UTP14A: variants seen among roughly 807,000 people sequenced by gnomAD.
UTP14A encodes the protein U3 small nucleolar RNA-associated protein 14 homolog A.
UTP14A carries 5 observed loss-of-function variants against 57.2 expected under a neutral mutation model. The observed-to-expected ratio is 0.09, with a 90% CI of 0.05 to 0.18. UTP14A has a LOEUF of 0.18. UTP14A is among the 10% of genes least tolerant of loss of function. The pLI, the probability that UTP14A is intolerant of heterozygous loss-of-function variation, is 1.00. For synonymous variants in UTP14A, 169 were observed against 210.9 expected, an observed-to-expected ratio of 0.80 and a Z score of 1.72; for missense variants, 430 against 562.1, an observed-to-expected ratio of 0.76 and a Z score of 2.38.
intron 4 of UTP14A, among the ~76,000 whole-genome samples, chrX:129,909,463 CCT>C (rs1376426557): frequency 9.0e-6 from 1 of 111,137 alleles, no homozygotes; most frequent in Admixed American, 9.7e-5. Context: ...CCCGCCGCAG[CCT>C]CTCAAAGTGC....
At chrX:129,927,379 G>A (rs1427659387) in intron 14 of UTP14A, among the ~76,000 whole-genome samples, 2 of 111,806 alleles carry the variant, frequency 1.8e-5, no homozygotes, top group Non-Finnish European at 3.8e-5. Flanking sequence ...AGATGTAGCC[G>A]TCAACCCAAA....
intron 14 of UTP14A, among the ~76,000 whole-genome samples, chrX:129,926,900 T>G (rs1176737323): frequency 5.4e-5 from 6 of 111,766 alleles, no homozygotes; most frequent in African/African-American, 1.6e-4. Flanking sequence ...TGAGTTACAT[T>G]TTTCCCTCGG....
At position 129,920,570 on chromosome X, in the gene UTP14A, C is replaced by A; in HGVS notation, c.866C>A (p.Ala289Asp). 2.5e-6 allele frequency: 3 copies of A among 1,212,059 alleles called. No individual in the cohort carries two copies. The highest frequency in any genetic ancestry group is 2.2e-6 in the Non-Finnish European group (2 of 895,624). The change falls in exon 9 of 15, where the codon GCC becomes GAC. Residue 289 changes from alanine (A) to aspartate (D), a missense_variant. By Grantham distance (126) the Ala-to-Asp change is moderately radical. Around this residue, in one of 4 missense-constraint regions of UTP14A, gnomAD observed 83 missense variants for 140.4 expected, o/e 0.59. Transcript: ENST00000394422. ...ALEELEKIEK[A>D]RMMERMSLKH... ...GAAGAACTGGAAAAAATTGAAAAGG[C>A]CAGAATGATGGTGAGACTACCTCTT... is the stretch of plus-strand genomic sequence containing the variant.
At chrX:129,916,852 T>A (rs1312596598) in intron 6 of UTP14A, among the ~76,000 whole-genome samples, 1 of 111,536 alleles carries the variant, frequency 9.0e-6, no homozygotes, top group Non-Finnish European at 1.9e-5. Context: ...TCTGTTTGGA[T>A]TTTTTTTCCT....
chrX:129,913,060 A>G (rs1482951701), intron 6 of UTP14A, among the ~76,000 whole-genome samples: 4 of 111,723 alleles, frequency 3.6e-5, no homozygotes, highest in Non-Finnish European at 7.5e-5. Context: ...TACTTTTCCA[A>G]TACACCATTG....
Position 129,920,519 on chromosome X carries a change from G to A in UTP14A, c.815G>A (p.Arg272Gln), listed in dbSNP as rs139643161. Residue 272 changes from arginine to glutamine, a missense_variant, in exon 9 of 15, where the codon CGG (arginine) becomes CAG (glutamine). Arg to Gln is a conservative substitution (Grantham distance 43). This residue lies in a region of UTP14A where 83 missense variants were observed against 140.4 expected (regional missense o/e 0.59). Coordinates refer to ENST00000394422, the MANE Select transcript of UTP14A (RefSeq NM_006649.4). ...KKALKEFEQL[R>Q]KVNPAAALEE... ...GCCCTAAAAGAGTTTGAGCAGCTGC[G>A]GAAGGTTAATCCAGCTGCAGCACTA... 124 of 1,210,664 alleles carry A rather than the reference G, an allele frequency of 1.0e-4. No homozygotes were observed. The highest frequency in any genetic ancestry group is 9.9e-4 in the African/African-American group (57 of 57,465).
Position 129,919,329 on chromosome X carries a change from C to T in UTP14A, c.657+35C>T, listed in dbSNP as rs1302128947. 5.8e-6 allele frequency: 7 copies of T among 1,211,204 alleles called. No homozygotes were observed. In the South Asian group the frequency reaches 1.2e-4, roughly 21 times the overall value. Reference sequence around the variant, plus strand: ...TCATAGGCCCTTCAGCACACCCAGGCATGCCACGCTTCTCCTAGCATTTGT... The same window carrying T: ...TCATAGGCCCTTCAGCACACCCAGGTATGCCACGCTTCTCCTAGCATTTGT... On this transcript the variant is annotated intron_variant, in intron 7 of 14. Coordinates refer to ENST00000394422, the MANE Select transcript of UTP14A (RefSeq NM_006649.4).
intron 2 of UTP14A, among the ~76,000 whole-genome samples, chrX:129,907,755 G>C (rs768858304): frequency 9.0e-5 from 10 of 111,444 alleles, no homozygotes; most frequent in African/African-American, 2.9e-4. Context: ...AGGAGATTGA[G>C]ACCATCCTGG....
intron 11 of UTP14A, 79 bp downstream of exon 11, chrX:129,921,666 C>A: frequency 9.4e-7 from 1 of 1,067,378 alleles, no homozygotes; most frequent in Non-Finnish European, 1.2e-6. Flanking sequence ...TGTGTCCACC[C>A]ACACACAAAA....
chrX:129,919,633 C>A, intron 8 of UTP14A, 144 bp downstream of exon 8: 1 of 655,934 alleles, frequency 1.5e-6, no homozygotes, highest in Non-Finnish European at 2.3e-6. Flanking sequence ...CCTTTTGTTC[C>A]CCCCAAACCA....
At chrX:129,927,378 C>T (rs1168632105) in intron 14 of UTP14A, among the ~76,000 whole-genome samples, 1 of 111,760 alleles carries the variant, frequency 8.9e-6, no homozygotes, top group Non-Finnish European at 1.9e-5. Flanking sequence ...CAGATGTAGC[C>T]GTCAACCCAA....
At position 129,929,376 on chromosome X, in the gene UTP14A, T is replaced by C. The variant is rs1482170250; in HGVS notation, c.2084T>C (p.Phe695Ser). The change falls in exon 15 of 15, where the codon TTT (phenylalanine) becomes TCT (serine). Residue 695 changes from phenylalanine to serine, a missense_variant. This residue lies in a region of UTP14A where 82 missense variants were observed against 151.4 expected (regional missense o/e 0.54). Transcript: ENST00000394422. ...LPYPFTHHWQ[F>S]ERTIQTPIGS... ...TATCCATTTACCCACCATTGGCAAT[T>C]TGAAAGGACCATCCAGACCCCCATA... 1 of 1,209,038 alleles carries C rather than the reference T, an allele frequency of 8.3e-7. No individual in the cohort carries two copies. Among genetic ancestry groups the C allele is most frequent in the Non-Finnish European group, 1.1e-6 (1 of 894,876 alleles).
intron 4 of UTP14A, among the ~76,000 whole-genome samples, chrX:129,910,797 C>A (rs1289087735): frequency 2.7e-5 from 3 of 112,573 alleles, no homozygotes; most frequent in Non-Finnish European, 5.6e-5. Flanking sequence ...AATATTTTCC[C>A]CTATCTTCTA....
At chrX:129,908,797 C>G in intron 4 of UTP14A, 63 bp downstream of exon 4, 4 of 1,033,725 alleles carry the variant, frequency 3.9e-6, no homozygotes, top group Non-Finnish European at 5.4e-6. Flanking sequence ...GCATTGTGTT[C>G]ACCTCACCCC....
intron 4 of UTP14A, among the ~76,000 whole-genome samples, chrX:129,910,387 C>T (rs903115600): frequency 9.0e-6 from 1 of 110,912 alleles, no homozygotes; most frequent in African/African-American, 3.3e-5. Context: ...TTTATATTTT[C>T]GAAAGATAAT....
Position 129,921,190 on chromosome X carries a change from C to T in UTP14A, c.955-4C>T, listed in dbSNP as rs758698790. 9 of 1,197,544 alleles carry T rather than the reference C, an allele frequency of 7.5e-6. No individual in the cohort carries two copies. In the South Asian group the frequency reaches 1.7e-4, roughly 22 times the overall value. On this transcript the variant is annotated splice_polypyrimidine_tract_variant and splice_region_variant and intron_variant, in intron 10 of 14. Transcript: ENST00000394422. ...GGCTCTCATGCTGTGACTCTTTCCT[C>T]CAGGCTCGCCAAGCTATGCAGGAAC...
At chrX:129,914,932 A>G (rs1194353380) in intron 6 of UTP14A, among the ~76,000 whole-genome samples, 1 of 112,512 alleles carries the variant, frequency 8.9e-6, no homozygotes, top group Non-Finnish European at 1.9e-5. Context: ...AACAGGCCAG[A>G]CGGATGTGGT....
At chrX:129,915,479 C>T (rs1295969770) in intron 6 of UTP14A, among the ~76,000 whole-genome samples, 4 of 96,081 alleles carry the variant, frequency 4.2e-5, no homozygotes, top group South Asian at 5.4e-4. Flanking sequence ...GAACCAAGAT[C>T]GTGCCACTGC....
intron 4 of UTP14A, among the ~76,000 whole-genome samples, chrX:129,909,617 C>T (rs1569335678): frequency 9.0e-6 from 1 of 111,525 alleles, no homozygotes; most frequent in Non-Finnish European, 1.9e-5. Flanking sequence ...TGGAGGGACA[C>T]AAAACATTGT....
Sources: allele counts gnomAD v4.1 joint callset (sites outside exome capture counted in the v4.1 genomes callset), GRCh38; gene constraint gnomAD v4.1.1; regional missense constraint gnomAD v4.1.1; transcripts MANE v1.5; gene names NCBI Gene and HGNC (gene_info 2026-07-23, HGNC 2026-07-21).